The following CLYBL variants were observed in gnomAD, a reference collection of about 807,000 sequenced individuals.
CLYBL encodes the protein citramalyl-CoA lyase, mitochondrial.
In CLYBL, 31 loss-of-function variants were observed where a neutral mutation model predicts 38.9. That is an observed-to-expected ratio of 0.80 (90% CI 0.60 to 1.08). The LOEUF is 1.08. Ranked by LOEUF, CLYBL falls within the 50% of genes least tolerant of loss-of-function variation. The probability of loss-of-function intolerance (pLI) is 0.00; values close to 1 mark genes in which losing one functional copy is unlikely to be tolerated. For missense variants in CLYBL, 434 were observed against 411.6 expected, an observed-to-expected ratio of 1.05 and a Z score of -0.47; for synonymous variants, 171 against 158.6, an observed-to-expected ratio of 1.08 and a Z score of -0.59.
At chr13:99,647,852 G>A (rs539713815) in intron 1 of CLYBL, among the ~76,000 whole-genome samples, 10 of 152,208 alleles carry the variant, frequency 6.6e-5, no homozygotes, top group African/African-American at 2.4e-4. Context: ...TAGCAGTATG[G>A]GTGCCCAGTT....
intron 1 of CLYBL, among the ~76,000 whole-genome samples, chr13:99,682,154 T>C (rs995085595): frequency 5.9e-5 from 9 of 152,126 alleles, no homozygotes; most frequent in South Asian, 2.1e-4. Flanking sequence ...CTTTTCTTTT[T>C]TTTTTTGGAG....
At position 99,885,023 on chromosome 13, in the gene CLYBL, C is replaced by T. The variant is rs370846106; in HGVS notation, c.928-6295C>T. The T allele has an allele frequency of 6.0e-5, 31 of 515,192 alleles. 1 individual carries two copies. The highest frequency in any genetic ancestry group is 4.2e-4 in the South Asian group (29 of 68,368). The allele number at this position is 515,192 out of a possible 1,614,324, so 31.9% of individuals were successfully genotyped here. A position where few individuals can be genotyped will look rare whatever the true frequency, so the allele number is the denominator to read the frequency against. On this transcript the variant is annotated intron_variant, in intron 7 of 8. Transcript: ENST00000339105. ...TGGCTTTGCATTCAGCCTTTTCCAT[C>T]ATCACCAGGTCAGCGGTCACAGAGC...
intron 7 of CLYBL, among the ~76,000 whole-genome samples, chr13:99,883,936 C>T (rs1440086339): frequency 6.6e-6 from 1 of 152,212 alleles, no homozygotes; most frequent in African/African-American, 2.4e-5. Flanking sequence ...CCACAAACAT[C>T]ATAAACTCAC....
At chr13:99,834,448 G>A (rs892723526) in intron 2 of CLYBL, among the ~76,000 whole-genome samples, 34 of 152,172 alleles carry the variant, frequency 2.2e-4, no homozygotes, top group Non-Finnish European at 4.6e-4. Context: ...GAGCCTCAAA[G>A]TCAGCATTGC....
chr13:99,784,535 A>G (rs1317545764), intron 2 of CLYBL, among the ~76,000 whole-genome samples: 2 of 131,722 alleles, frequency 1.5e-5, no homozygotes, highest in African/African-American at 5.7e-5. Flanking sequence ...GCTCACTGCC[A>G]CCTCTACCTC....
At chr13:99,714,574 G>A (rs1180385530) in intron 1 of CLYBL, among the ~76,000 whole-genome samples, 9 of 151,926 alleles carry the variant, frequency 5.9e-5, no homozygotes, top group South Asian at 2.1e-4. Context: ...TGGAGACTGC[G>A]CCACTGCACT....
chr13:99,726,835 C>A (rs2048482076), intron 1 of CLYBL, among the ~76,000 whole-genome samples: 1 of 151,996 alleles, frequency 6.6e-6, no homozygotes, highest in South Asian at 2.1e-4. Context: ...TGCTCTGTGC[C>A]ACAAAAAAGG....
chr13:99,796,513 A>T (rs188970752), intron 2 of CLYBL, among the ~76,000 whole-genome samples: 1 of 152,210 alleles, frequency 6.6e-6, no homozygotes, highest in African/African-American at 2.4e-5. Context: ...TTTCATGTTC[A>T]TAGCAATTCT....
chr13:99,632,832 T>C (rs1160390456), intron 1 of CLYBL, among the ~76,000 whole-genome samples: 1 of 151,982 alleles, frequency 6.6e-6, no homozygotes, highest in Non-Finnish European at 1.5e-5. Flanking sequence ...CTCAAGATGA[T>C]AGAGATGTTA....
At chr13:99,837,064 C>T (rs2050956683) in intron 2 of CLYBL, among the ~76,000 whole-genome samples, 1 of 151,912 alleles carries the variant, frequency 6.6e-6, no homozygotes, top group Non-Finnish European at 1.5e-5. Flanking sequence ...GGAGAGTTGG[C>T]CTCAGAGGTC....
intron 1 of CLYBL, among the ~76,000 whole-genome samples, chr13:99,626,877 T>G (rs1294340951): frequency 1.3e-5 from 2 of 151,588 alleles, no homozygotes; most frequent in African/African-American, 2.4e-5. Flanking sequence ...TTCCAGAGCT[T>G]CAGTTACAAA....
intron 1 of CLYBL, among the ~76,000 whole-genome samples, chr13:99,741,776 C>T (rs2048760988): frequency 6.6e-6 from 1 of 152,170 alleles, no homozygotes; most frequent in African/African-American, 2.4e-5. Flanking sequence ...CGTGCCCAGC[C>T]AAGCATATGT....
At chr13:99,797,560 T>TTGTGTGTGTGTGTGTGTGTGTG (rs3033584) in intron 2 of CLYBL, among the ~76,000 whole-genome samples, 3,817 of 141,716 alleles carry the variant, frequency 0.027, 134 homozygotes, top group African/African-American at 0.06. Flanking sequence ...TGTTAGCTGT[T>TTGTGTGTGTGTGTGTGTGTGTG]TGTGTGTGTG....
intron 7 of CLYBL, 53 bp downstream of exon 7, chr13:99,871,115 G>A: frequency 2.5e-6 from 4 of 1,597,444 alleles, no homozygotes; most frequent in Non-Finnish European, 3.4e-6. Flanking sequence ...ATATTGTCGG[G>A]AAGAATGAAA....
chr13:99,697,737 C>G (rs544351183), intron 1 of CLYBL, among the ~76,000 whole-genome samples: 1 of 150,834 alleles, frequency 6.6e-6, no homozygotes, highest in Non-Finnish European at 1.5e-5. Context: ...ACCTCCGCCT[C>G]CTGGGTTCAA....
rs3033589 is a variant in CLYBL at position 99,770,080 on chromosome 13, C to CTTT, written c.63-2729_63-2727dup. On this transcript the variant is annotated intron_variant, in intron 1 of 8. Coordinates refer to ENST00000339105, the MANE Select transcript of CLYBL (RefSeq NM_206808.5). ...ACTTTTCTTTCTTTTTCTTTTCTTT[C>CTTT]TTTTTTTTTTTTTTTTTGAGATGGA... Among the ~76,000 whole-genome samples, 452 of 103,154 alleles carry CTTT rather than the reference C, an allele frequency of 4.4e-3. 7 individuals carry two copies. The highest frequency in any genetic ancestry group is 6.6e-3 in the Non-Finnish European group (341 of 51,286). The allele number at this position is 103,154 out of a possible 152,430, so 67.7% of individuals were successfully genotyped here.
chr13:99,692,273 ATTTGTTTTT>A (rs1283691993), intron 1 of CLYBL, among the ~76,000 whole-genome samples: 2 of 130,190 alleles, frequency 1.5e-5, no homozygotes, highest in Admixed American at 7.7e-5. Context: ...TAAAGTTCAC[ATTTGTTTTT>A]TTTGTTTTTT....
chr13:99,805,757 A>C (rs951557291), intron 2 of CLYBL, among the ~76,000 whole-genome samples: 5 of 152,224 alleles, frequency 3.3e-5, no homozygotes, highest in Admixed American at 1.3e-4. Context: ...TTTAAAAGCA[A>C]TGAAGAATAT....
intron 1 of CLYBL, among the ~76,000 whole-genome samples, chr13:99,644,396 A>G (rs956938601): frequency 1.3e-5 from 2 of 152,208 alleles, no homozygotes; most frequent in Non-Finnish European, 2.9e-5. Flanking sequence ...TACATAGTGT[A>G]TATATTTATG....
Sources: gnomAD v4.1 joint callset for allele counts (sites outside exome capture counted in the v4.1 genomes callset) on GRCh38, gnomAD v4.1.1 for gene constraint, MANE v1.5 for transcripts, NCBI Gene and HGNC (gene_info 2026-07-23, HGNC 2026-07-21) for gene names.